CHUK: variants seen among roughly 807,000 people sequenced by gnomAD.
The protein encoded by CHUK is component of inhibitor of nuclear factor kappa B kinase complex, also known as inhibitor of nuclear factor kappa-B kinase subunit alpha.
CHUK carries 35 observed loss-of-function variants against 104.8 expected under a neutral mutation model. The ratio of observed to expected loss-of-function variants is 0.33; its 90% confidence interval spans 0.26 to 0.44. The LOEUF (loss-of-function observed/expected upper bound fraction) is 0.44, where lower values mean the gene tolerates loss of function less well. Among genes scored for constraint, CHUK ranks in the 20% least tolerant of loss-of-function variants. The probability of loss-of-function intolerance (pLI) is 1.00; values close to 1 mark genes in which losing one functional copy is unlikely to be tolerated. For synonymous variants in CHUK, 276 were observed against 291.9 expected (o/e 0.95, Z 0.56); for missense variants, 663 against 902.7 (o/e 0.73, Z 3.40).
intron 5 of CHUK, 55 bp downstream of exon 5, chr10:100,220,533 A>G (rs377506124): frequency 3.3e-6 from 4 of 1,207,396 alleles, no homozygotes; most frequent in African/African-American, 3.0e-5. Context: ...AGGACTAACT[A>G]TATCAGAGAG....
chr10:100,204,470 A>G (rs755469057), intron 13 of CHUK, 36 bp downstream of exon 13: 1 of 1,591,926 alleles, frequency 6.3e-7, no homozygotes, highest in Non-Finnish European at 8.6e-7. Context: ...TCAAGAAACC[A>G]GATGCTCCTT....
chr10:100,197,893 C>CA (rs941470582), intron 16 of CHUK, among the ~76,000 whole-genome samples: 1 of 152,050 alleles, frequency 6.6e-6, no homozygotes, highest in Non-Finnish European at 1.5e-5. Context: ...TTTTCTAAAA[C>CA]AAAAAAATTT....
intron 1 of CHUK, among the ~76,000 whole-genome samples, chr10:100,228,396 A>T (rs1305760373): frequency 6.6e-6 from 1 of 152,230 alleles, no homozygotes; most frequent in East Asian, 1.9e-4. Flanking sequence ...GCTCACGCCT[A>T]TAATCTCTGC....
intron 20 of CHUK, 138 bp from the exon 21 acceptor site, chr10:100,189,765 G>A: frequency 5.2e-6 from 3 of 572,222 alleles, no homozygotes; most frequent in Non-Finnish European, 9.4e-6. Context: ...CTTATTTCCT[G>A]ATTTAAAAAA....
At chr10:100,220,800 A>AACTAATACT (rs1845968895) in intron 4 of CHUK, 124 bp from the exon 5 acceptor site, 2 of 667,494 alleles carry the variant, frequency 3.0e-6, no homozygotes, top group South Asian at 3.3e-5. Flanking sequence ...GTAACTACAC[A>AACTAATACT]ACTAATACTA....
At chr10:100,200,070 C>A (rs771276413) in intron 15 of CHUK, 50 bp from the exon 16 acceptor site, 7 of 1,268,878 alleles carry the variant, frequency 5.5e-6, no homozygotes, top group Non-Finnish European at 8.1e-6. Flanking sequence ...TTAATGACTT[C>A]AATAATCTAC....
In CHUK at chr10:100,198,768, A is replaced by G. The variant is rs11591498; in HGVS notation, c.1729+1203T>C. Among the ~76,000 whole-genome samples the G allele has an allele frequency of 6.8e-3, 1,032 of 152,336 alleles. 6 individuals carry two copies. The highest frequency in any genetic ancestry group is 9.5e-3 in the Non-Finnish European group (643 of 68,032). On this transcript the variant is annotated intron_variant, in intron 16 of 20. Transcript: ENST00000370397. Reference sequence around the variant, plus strand: ...GTATATGAAATACAATTTCACATGTATATTAATTTGCATGTGTTGCTATGT... The same window carrying G: ...GTATATGAAATACAATTTCACATGTGTATTAATTTGCATGTGTTGCTATGT...
rs974216532 is a variant in CHUK at position 100,202,293 on chromosome 10, T to C, written c.1508-144A>G. On this transcript the variant is annotated intron_variant, in intron 13 of 20. Coordinates refer to ENST00000370397, the MANE Select transcript of CHUK (RefSeq NM_001278.5). The stretch of plus-strand genomic sequence containing the variant: ...AAAGATATGTGGAATTCCTAACCCC[T>C]AATACCTCAGAATGTGACCTATTTG... 1.9e-5 allele frequency: 13 copies of C among 681,672 alleles called. No homozygotes were observed. In the African/African-American group the frequency reaches 2.0e-4, roughly 10 times the overall value. 42.2% of individuals were successfully genotyped at this position (681,672 alleles called of 1,614,324 possible).
chr10:100,209,518 G>T, intron 10 of CHUK, 77 bp downstream of exon 10: 2 of 873,330 alleles, frequency 2.3e-6, no homozygotes, highest in Non-Finnish European at 3.9e-6. Context: ...GGAATTCCAA[G>T]TATGCATAAA....
chr10:100,186,401 TC>T (rs28372850), downstream of CHUK: 14,598 of 212,718 alleles, frequency 0.069, 675 homozygotes, highest in African/African-American at 0.14. Flanking sequence ...CCGGCAGAGA[TC>T]CTGCCCTTCA....
At chr10:100,196,314 T>C (rs2134209856) in intron 16 of CHUK, among the ~76,000 whole-genome samples, 1 of 151,632 alleles carries the variant, frequency 6.6e-6, no homozygotes, top group East Asian at 1.9e-4. Context: ...TACTAAATTA[T>C]CAACAAAAAA....
intron 13 of CHUK, among the ~76,000 whole-genome samples, chr10:100,203,341 C>T (rs568659533): frequency 6.6e-6 from 1 of 151,952 alleles, no homozygotes; most frequent in East Asian, 1.9e-4. Context: ...TATAATAAGC[C>T]TTTGACAAGT....
chr10:100,217,792 G>A (rs1845892509), intron 9 of CHUK, among the ~76,000 whole-genome samples: 1 of 152,144 alleles, frequency 6.6e-6, no homozygotes, highest in South Asian at 2.1e-4. Context: ...CAAGAGAATC[G>A]CTTGAACCTG....
chr10:100,219,841 A>T (rs1845944791), intron 5 of CHUK, among the ~76,000 whole-genome samples: 1 of 151,476 alleles, frequency 6.6e-6, no homozygotes, highest in Admixed American at 6.6e-5. Context: ...AAGTCTTTGG[A>T]TTAAAAAAAA....
chr10:100,193,723 A>C lies in CHUK; in HGVS notation c.1974+261T>G. On this transcript the variant is annotated intron_variant, in intron 18 of 20. Coordinates refer to ENST00000370397, the MANE Select transcript of CHUK (RefSeq NM_001278.5). ...TCAATTTCATTATCTAGGCAGGTAC[A>C]TCTATCCCCAAGTTAGGTTGGAATA... 6 of 595,714 alleles carry C rather than the reference A, an allele frequency of 1.0e-5. No homozygotes were observed. In the South Asian group the frequency reaches 1.2e-4, roughly 12 times the overall value. The allele number at this position is 595,714 out of a possible 1,614,324, so 36.9% of individuals were successfully genotyped here.
intron 9 of CHUK, among the ~76,000 whole-genome samples, chr10:100,212,300 G>A (rs937579137): frequency 4.6e-5 from 7 of 152,164 alleles, no homozygotes; most frequent in Admixed American, 1.3e-4. Flanking sequence ...CCTCACTAAC[G>A]CTTATCTTTT....
chr10:100,195,266 C>T (rs1035807501), intron 16 of CHUK: 2 of 152,124 alleles, frequency 1.3e-5, no homozygotes, highest in Non-Finnish European at 2.9e-5. Context: ...AATAATTAAG[C>T]CTAAATGCAA....
chr10:100,225,318 C>T (rs1846080606), intron 2 of CHUK, among the ~76,000 whole-genome samples: 1 of 152,196 alleles, frequency 6.6e-6, no homozygotes, highest in South Asian at 2.1e-4. Flanking sequence ...TTTGACTACT[C>T]TAGGTACCAC....
At chr10:100,227,947 C>T (rs2134256567) in intron 1 of CHUK, among the ~76,000 whole-genome samples, 1 of 152,242 alleles carries the variant, frequency 6.6e-6, no homozygotes, top group African/African-American at 2.4e-5. Flanking sequence ...TATGTTGTTC[C>T]ACTCAAATTT....
Sources: allele counts gnomAD v4.1 joint callset (sites outside exome capture counted in the v4.1 genomes callset), GRCh38; gene constraint gnomAD v4.1.1; transcripts MANE v1.5; gene names NCBI Gene and HGNC (gene_info 2026-07-23, HGNC 2026-07-21).